Variants in B4GALT5 observed in about 807,000 individuals in gnomAD.
B4GALT5 encodes beta-1,4-galactosyltransferase 5.
Under a neutral mutation model 45.0 loss-of-function variants are expected in B4GALT5, and 11 were observed. The ratio of observed to expected loss-of-function variants is 0.24; its 90% confidence interval spans 0.15 to 0.40. The LOEUF (loss-of-function observed/expected upper bound fraction) is 0.40. B4GALT5 is among the 10% of genes least tolerant of loss of function. The pLI, the probability that B4GALT5 is intolerant of heterozygous loss-of-function variation, is 1.00. For missense variants in B4GALT5, 337 were observed against 500.2 expected (o/e 0.67, Z 3.11); for synonymous variants, 185 against 182.9 (o/e 1.01, Z -0.09).
At chr20:49,667,275 G>A (rs977597544) in intron 1 of B4GALT5, among the ~76,000 whole-genome samples, 10 of 148,246 alleles carry the variant, frequency 6.7e-5, no homozygotes, top group African/African-American at 9.9e-5. Context: ...TTTTTGAGAC[G>A]GACTCTCGCT....
chr20:49,663,682 A>AAAAG (rs1432191864), intron 1 of B4GALT5, among the ~76,000 whole-genome samples: 3,669 of 76,214 alleles, frequency 0.048, 552 homozygotes, highest in African/African-American at 0.064. Flanking sequence ...CAAGAAAAAA[A>AAAAG]AAAAAAAAAT....
At chr20:49,711,399 C>T (rs888287458) in intron 1 of B4GALT5, among the ~76,000 whole-genome samples, 12 of 152,156 alleles carry the variant, frequency 7.9e-5, no homozygotes, top group Non-Finnish European at 1.6e-4. Flanking sequence ...TGGCTTCTAA[C>T]CTTTCTATCA....
intron 1 of B4GALT5, among the ~76,000 whole-genome samples, chr20:49,671,670 C>T (rs1290231097): frequency 6.6e-6 from 1 of 152,078 alleles, no homozygotes. Context: ...ACATCAGAAC[C>T]CTGTAAGATA....
chr20:49,668,811 C>A (rs1305748770), intron 1 of B4GALT5, among the ~76,000 whole-genome samples: 1 of 152,092 alleles, frequency 6.6e-6, no homozygotes, highest in Non-Finnish European at 1.5e-5. Context: ...TTCCAGCCTC[C>A]CACCCCCACT....
chr20:49,637,836 G>A lies in B4GALT5; in HGVS notation c.918-394C>T, dbSNP rs186305693. 4.2e-3 allele frequency among the ~76,000 whole-genome samples: 645 copies of A among 151,918 alleles called. 9 individuals are homozygous for A. In the South Asian group the frequency reaches 0.058, roughly 14 times the overall value. ...GGTCTGTAATCCCAGCTACTCAGGA[G>A]GCTGAGACAGGAGAATCACTTGAAC... On this transcript the variant is annotated intron_variant, in intron 7 of 8. Coordinates refer to ENST00000371711, the MANE Select transcript of B4GALT5 (RefSeq NM_004776.4).
intron 1 of B4GALT5, among the ~76,000 whole-genome samples, chr20:49,658,704 G>C (rs1601254133): frequency 6.6e-6 from 1 of 152,034 alleles, no homozygotes; most frequent in South Asian, 2.1e-4. Context: ...CCATCCCCCA[G>C]AGTGCTTTTA....
chr20:49,659,267 C>T (rs996209449), intron 1 of B4GALT5, among the ~76,000 whole-genome samples: 3 of 152,196 alleles, frequency 2.0e-5, no homozygotes, highest in Non-Finnish European at 2.9e-5. Flanking sequence ...AAGTCTTTTA[C>T]GTCTCTTGCC....
At chr20:49,710,340 T>C (rs2085902371) in intron 1 of B4GALT5, among the ~76,000 whole-genome samples, 1 of 152,128 alleles carries the variant, frequency 6.6e-6, no homozygotes, top group Non-Finnish European at 1.5e-5. Context: ...ACAACTGTTT[T>C]TGACCTGCAA....
intron 1 of B4GALT5, among the ~76,000 whole-genome samples, chr20:49,669,696 CAAA>C (rs535974379): frequency 1.2e-4 from 11 of 94,780 alleles, no homozygotes; most frequent in Admixed American, 2.4e-4. Context: ...AACTCCACCT[CAAA>C]AAAAAAAAAA....
intron 1 of B4GALT5, among the ~76,000 whole-genome samples, chr20:49,680,216 T>C (rs2085758490): frequency 6.6e-6 from 1 of 152,224 alleles, no homozygotes; most frequent in Non-Finnish European, 1.5e-5. Context: ...CTGCATGGGC[T>C]GAAGAGCCAT....
At chr20:49,636,907 G>GACACACACACACACACACACACACACAC (rs5841760) in intron 8 of B4GALT5, among the ~76,000 whole-genome samples, 4 of 146,386 alleles carry the variant, frequency 2.7e-5, no homozygotes, top group African/African-American at 7.6e-5. Flanking sequence ...ATTTAGAAAA[G>GACACACACACACACACACACACACACAC]ACACACACAC....
In B4GALT5 at chr20:49,635,448, G is replaced by T. The variant is rs568255449; in HGVS notation, c.*864C>A. ...AAGTCAAGGGCAAGACTCGTGGGGG[G>T]GGGAAGAAAGGGACAGAAGCCAGCT... On this transcript the variant is annotated 3_prime_UTR_variant, in exon 9 of 9. Coordinates refer to ENST00000371711, the MANE Select transcript of B4GALT5 (RefSeq NM_004776.4). 1.3e-5 allele frequency: 2 copies of T among 151,988 alleles called. No homozygotes were observed. The highest frequency in any genetic ancestry group is 4.8e-5 in the African/African-American group (2 of 41,358). 9.4% of individuals were successfully genotyped at this position (151,988 alleles called of 1,614,324 possible).
At chr20:49,694,945 C>T (rs2085832532) in intron 1 of B4GALT5, among the ~76,000 whole-genome samples, 1 of 152,120 alleles carries the variant, frequency 6.6e-6, no homozygotes, top group Non-Finnish European at 1.5e-5. Flanking sequence ...TTTCAGAGAA[C>T]CCTCCTTCTA....
intron 1 of B4GALT5, among the ~76,000 whole-genome samples, chr20:49,671,146 A>C (rs1198657722): frequency 6.6e-6 from 1 of 152,184 alleles, no homozygotes; most frequent in East Asian, 1.9e-4. Flanking sequence ...TGGGAGGCCA[A>C]GGTGGGCGGA....
intron 1 of B4GALT5, among the ~76,000 whole-genome samples, chr20:49,712,839 G>GT (rs1216879653): frequency 2.3e-5 from 2 of 88,230 alleles, no homozygotes; most frequent in Non-Finnish European, 4.4e-5. Flanking sequence ...ACGCGAGGTG[G>GT]GGGGGGGGGA....
At chr20:49,686,673 G>C (rs545007654) in intron 1 of B4GALT5, among the ~76,000 whole-genome samples, 1 of 146,150 alleles carries the variant, frequency 6.8e-6, no homozygotes, top group African/African-American at 2.6e-5. Context: ...GACCTCTTGA[G>C]GCCAAGGGTT....
intron 1 of B4GALT5, among the ~76,000 whole-genome samples, chr20:49,692,779 A>C (rs1376815288): frequency 1.3e-5 from 2 of 152,212 alleles, no homozygotes; most frequent in African/African-American, 4.8e-5. Context: ...AAAACTGTAC[A>C]TATAATGTAA....
At chr20:49,705,885 A>T (rs1166550173) in intron 1 of B4GALT5, among the ~76,000 whole-genome samples, 2 of 152,072 alleles carry the variant, frequency 1.3e-5, no homozygotes, top group African/African-American at 2.4e-5. Flanking sequence ...ATGGTTATAA[A>T]TAAGAATCAT....
Position 49,672,551 on chromosome 20 carries a change from A to G in B4GALT5, c.116-15849T>C, listed in dbSNP as rs540754312. Among the ~76,000 whole-genome samples, 14 of 149,568 alleles carry G rather than the reference A, an allele frequency of 9.4e-5. No individual in the cohort carries two copies. The Admixed American group carries it at 9.5e-4, about 10-fold the overall frequency. On this transcript the variant is annotated intron_variant, in intron 1 of 8. Transcript: ENST00000371711. Reference sequence around the variant, plus strand: ...CTGGATTATTTTTCTGTCATCTATTATGACAGACAGACTCTGTCACTTGAT... The same window carrying G: ...CTGGATTATTTTTCTGTCATCTATTGTGACAGACAGACTCTGTCACTTGAT...
Sources: gnomAD v4.1 joint callset for allele counts (sites outside exome capture counted in the v4.1 genomes callset) on GRCh38, gnomAD v4.1.1 for gene constraint, MANE v1.5 for transcripts, NCBI Gene and HGNC (gene_info 2026-07-23, HGNC 2026-07-21) for gene names.